ADCY10: variants seen among roughly 807,000 people sequenced by gnomAD.
The protein encoded by ADCY10 is adenylate cyclase 10.
ADCY10 carries 156 observed loss-of-function variants against 183.3 expected under a neutral mutation model. That is an observed-to-expected ratio of 0.85 (90% confidence interval 0.75 to 0.97). ADCY10 has a LOEUF of 0.97. ADCY10 is among the 50% of genes least tolerant of loss of function. ADCY10 has a pLI of 0.00. For missense variants in ADCY10, 1,745 were observed against 1,934.3 expected (o/e 0.90, Z 1.84); for synonymous variants, 645 against 670.0 (o/e 0.96, Z 0.58).
intron 30 of ADCY10, chr1:167,820,324 G>A: frequency 9.9e-7 from 1 of 1,006,652 alleles, no homozygotes. Context: ...GGACTAGCCG[G>A]CCTTGAGGGG....
chr1:167,905,635 T>C (rs1046187869), intron 1 of ADCY10, among the ~76,000 whole-genome samples: 10 of 151,862 alleles, frequency 6.6e-5, no homozygotes, highest in Non-Finnish European at 1.3e-4. Flanking sequence ...TTCGTGTGTG[T>C]GAGTGTATTT....
In ADCY10 at chr1:167,901,780, C is replaced by G; in HGVS notation, c.318G>C (p.Arg106Ser). The G allele has an allele frequency of 6.2e-7, 1 of 1,614,180 alleles. No individual in the cohort carries two copies. The highest frequency in any genetic ancestry group is 8.5e-7 in the Non-Finnish European group (1 of 1,180,028). Reference sequence around the variant, plus strand: ...TGTTTTTCAGCTGCTTTCGCTCCACCCTCCACAGGGCTAGCAGTGCATCAC... The same window carrying G: ...TGTTTTTCAGCTGCTTTCGCTCCACGCTCCACAGGGCTAGCAGTGCATCAC... ...FAGDALLALW[R>S]VERKQLKNII... Residue 106 changes from arginine to serine, a missense_variant, in exon 5 of 33, where the codon AGG becomes AGC. Arg to Ser is a moderately radical substitution (Grantham distance 110). Coordinates refer to ENST00000367851, the MANE Select transcript of ADCY10 (RefSeq NM_018417.6).
rs762174342 is a variant in ADCY10, at chr1:167,870,279, G to C, written c.1594C>G (p.Leu532Val). ...CACCTGTGATTCTTACCTTGGGCCA[G>C]GTACTCAATTTTCATAAGTATCTGG... ...KSQILMKIEY[L>V]AQGKNHRIIA... is the part of the protein sequence containing the mutation. The change falls in exon 14 of 33, where the codon CTG (leucine) becomes GTG (valine). Residue 532 changes from leucine (L) to valine (V), a missense_variant. By Grantham distance (32) the Leu-to-Val change is conservative. Transcript: ENST00000367851. 3 of 1,613,996 alleles carry C rather than the reference G, an allele frequency of 1.9e-6. No homozygotes were observed. The highest frequency in any genetic ancestry group is 4.5e-5 in the East Asian group (2 of 44,864).
intron 24 of ADCY10, among the ~76,000 whole-genome samples, chr1:167,833,414 G>A (rs1340845791): frequency 1.3e-5 from 2 of 152,126 alleles, no homozygotes; most frequent in Non-Finnish European, 2.9e-5. Flanking sequence ...ACCCATTCAG[G>A]TCCATTTTTA....
intron 12 of ADCY10, 122 bp downstream of exon 12, chr1:167,878,324 G>T: frequency 9.1e-7 from 1 of 1,102,856 alleles, no homozygotes; most frequent in Non-Finnish European, 1.4e-6. Context: ...CCTTGGTCTG[G>T]GGAAAGCATA....
At chr1:167,819,599 G>C (rs1243159997) in intron 30 of ADCY10, among the ~76,000 whole-genome samples, 2 of 151,202 alleles carry the variant, frequency 1.3e-5, no homozygotes, top group African/African-American at 2.4e-5. Flanking sequence ...TTTTGCTCTT[G>C]TTGCCCAGGC....
At chr1:167,851,254 A>C (rs1170046874) in intron 18 of ADCY10, among the ~76,000 whole-genome samples, 1 of 151,992 alleles carries the variant, frequency 6.6e-6, no homozygotes, top group African/African-American at 2.4e-5. Context: ...AGTTGTGATC[A>C]TAGCTTGCTG....
At chr1:167,818,804 G>A (rs1405546560) in intron 30 of ADCY10, among the ~76,000 whole-genome samples, 1 of 152,194 alleles carries the variant, frequency 6.6e-6, no homozygotes, top group Non-Finnish European at 1.5e-5. Flanking sequence ...CTCCCAAAGT[G>A]CTGGGATTAC....
rs773450284 is a variant in ADCY10 at position 167,809,643 on chromosome 1, C to T, written c.*35G>A. 1.2e-6 allele frequency: 2 copies of T among 1,609,924 alleles called. No individual in the cohort carries two copies. The highest frequency in any genetic ancestry group is 1.3e-5 in the African/African-American group (1 of 74,860). ...GGTCAATAATAGATAATCACAAGGA[C>T]ATAGTGCTTATTAAAATCTTTTTTC... On this transcript the variant is annotated 3_prime_UTR_variant, in exon 33 of 33. Coordinates refer to ENST00000367851, the MANE Select transcript of ADCY10 (RefSeq NM_018417.6).
At chr1:167,850,994 G>A (rs1665438842) in intron 18 of ADCY10, among the ~76,000 whole-genome samples, 1 of 151,934 alleles carries the variant, frequency 6.6e-6, no homozygotes, top group African/African-American at 2.4e-5. Flanking sequence ...AAATAAAAGG[G>A]TGATAGACAG....
chr1:167,875,489 G>A (rs147743294), intron 12 of ADCY10, among the ~76,000 whole-genome samples: 5 of 152,298 alleles, frequency 3.3e-5, no homozygotes, highest in South Asian at 2.1e-4. Context: ...CCTGATATAC[G>A]ACCCAGTAGA....
At chr1:167,847,037 TG>T (rs994813483) in intron 19 of ADCY10, among the ~76,000 whole-genome samples, 5 of 151,998 alleles carry the variant, frequency 3.3e-5, no homozygotes, top group African/African-American at 1.2e-4. Flanking sequence ...GAGATTCTCC[TG>T]CCTCAGCCTC....
chr1:167,872,784 C>T (rs1667193445), intron 13 of ADCY10, among the ~76,000 whole-genome samples: 1 of 149,150 alleles, frequency 6.7e-6, no homozygotes. Context: ...GAGAAATATA[C>T]ACATAGGCTG....
Position 167,875,085 on chromosome 1 carries a change from T to C in ADCY10, c.1462+46A>G, listed in dbSNP as rs778565548. ...CATTGATGTACTTTTCTGCATGTTTTGTTTTAGTTCAATAAAGAAGTTTAA... is the reference window on the plus strand; with the variant it reads ...CATTGATGTACTTTTCTGCATGTTTCGTTTTAGTTCAATAAAGAAGTTTAA... On this transcript the variant is annotated intron_variant, in intron 13 of 32. Coordinates refer to ENST00000367851, the MANE Select transcript of ADCY10 (RefSeq NM_018417.6). 5 of 1,467,382 alleles carry C rather than the reference T, an allele frequency of 3.4e-6. No homozygotes were observed. In the South Asian group the frequency reaches 4.5e-5, roughly 13 times the overall value. 90.9% of individuals were successfully genotyped at this position (1,467,382 alleles called of 1,614,324 possible). A position where few individuals can be genotyped will look rare whatever the true frequency, so the allele number is the denominator to read the frequency against.
intron 13 of ADCY10, among the ~76,000 whole-genome samples, chr1:167,873,760 G>C (rs892589349): frequency 1.3e-5 from 2 of 152,068 alleles, no homozygotes; most frequent in Non-Finnish European, 2.9e-5. Flanking sequence ...AAAAATGCTA[G>C]AAAAATATCT....
chr1:167,849,068 T>C (rs1376887246), intron 18 of ADCY10, among the ~76,000 whole-genome samples: 1 of 152,168 alleles, frequency 6.6e-6, no homozygotes, highest in Non-Finnish European at 1.5e-5. Flanking sequence ...CCATAGGATA[T>C]AAGGCTTTAC....
At chr1:167,845,410 C>T in intron 21 of ADCY10, 153 bp downstream of exon 21, 1 of 729,494 alleles carries the variant, frequency 1.4e-6, no homozygotes, top group South Asian at 1.8e-5. Flanking sequence ...TTTTCTCTTC[C>T]CCATTGGCCT....
intron 14 of ADCY10, among the ~76,000 whole-genome samples, chr1:167,868,250 G>C (rs772996017): frequency 6.6e-6 from 1 of 152,140 alleles, no homozygotes; most frequent in Non-Finnish European, 1.5e-5. Context: ...TGTAATAAGA[G>C]ATCAATGGCA....
At chr1:167,876,177 A>T (rs895133564) in intron 12 of ADCY10, among the ~76,000 whole-genome samples, 2 of 151,542 alleles carry the variant, frequency 1.3e-5, no homozygotes, top group African/African-American at 4.8e-5. Flanking sequence ...GAATCGCTTG[A>T]ACCCAAGAGA....
Sources: gnomAD v4.1 joint callset for allele counts (sites outside exome capture counted in the v4.1 genomes callset) on GRCh38, gnomAD v4.1.1 for gene constraint, MANE v1.5 for transcripts, NCBI Gene and HGNC (gene_info 2026-07-23, HGNC 2026-07-21) for gene names.